The following KCNJ6 variants were observed in gnomAD, a reference collection of about 807,000 sequenced individuals.
The protein encoded by KCNJ6 is potassium inwardly rectifying channel subfamily J member 6.
KCNJ6 carries 9 observed loss-of-function variants against 34.2 expected under a neutral mutation model. The ratio of observed to expected loss-of-function variants is 0.26; its 90% confidence interval spans 0.16 to 0.46. The LOEUF (loss-of-function observed/expected upper bound fraction) is 0.46, where lower values mean the gene tolerates loss of function less well. Ranked by LOEUF, KCNJ6 falls within the 20% of genes least tolerant of loss-of-function variation. KCNJ6 has a pLI of 1.00. For missense variants in KCNJ6, 236 were observed against 531.3 expected (o/e 0.44, Z 5.46); for synonymous variants, 196 against 207.1 (o/e 0.95, Z 0.46).
chr21:37,804,022 C>CCAA (rs2055281886), intron 2 of KCNJ6, among the ~76,000 whole-genome samples: 1 of 151,998 alleles, frequency 6.6e-6, no homozygotes, highest in Admixed American at 6.5e-5. Flanking sequence ...TACTCTGCCC[C>CCAA]CAGTTAAAAA....
At position 37,614,578 on chromosome 21, in the gene KCNJ6, CTCTG is replaced by C. The variant is rs1207201275; in HGVS notation, c.*10577_*10580del. The C allele has an allele frequency of 1.0e-5, 1 of 98,708 alleles. No individual in the cohort carries two copies. Among genetic ancestry groups the C allele is most frequent in the Non-Finnish European group, 2.1e-5 (1 of 48,468 alleles). 6.1% of individuals were successfully genotyped at this position (98,708 alleles called of 1,614,324 possible). A position where few individuals can be genotyped will look rare whatever the true frequency, so the allele number is the denominator to read the frequency against. On this transcript the variant is annotated 3_prime_UTR_variant, in exon 4 of 4. Transcript: ENST00000609713. ...TGTATGCGTGTGTGTATGCATGTGT[CTCTG>C]TATGCATGTGTGTGTATGCATGTCT...
At chr21:37,773,675 C>T (rs1288603209) in intron 2 of KCNJ6, among the ~76,000 whole-genome samples, 1 of 152,162 alleles carries the variant, frequency 6.6e-6, no homozygotes, top group African/African-American at 2.4e-5. Context: ...CTATTTTTCT[C>T]TAACTGCCCC....
At chr21:37,707,313 G>A (rs558401655) in intron 3 of KCNJ6, among the ~76,000 whole-genome samples, 14 of 152,308 alleles carry the variant, frequency 9.2e-5, no homozygotes, top group African/African-American at 2.9e-4. Context: ...CCGACTGCCC[G>A]GCCTCCTGTC....
At chr21:37,875,174 C>T (rs55925825) in intron 1 of KCNJ6, among the ~76,000 whole-genome samples, 7,211 of 152,262 alleles carry the variant, frequency 0.047, 272 homozygotes, top group Non-Finnish European at 0.074. Flanking sequence ...CTCTCTGGAA[C>T]ACAGTTATCC....
intron 3 of KCNJ6, among the ~76,000 whole-genome samples, chr21:37,629,044 C>T (rs1307639509): frequency 2.0e-5 from 3 of 152,014 alleles, no homozygotes; most frequent in Admixed American, 6.6e-5. Context: ...TAAACGGAGT[C>T]CTTCAGACTA....
intron 3 of KCNJ6, among the ~76,000 whole-genome samples, chr21:37,696,401 T>G (rs959990015): frequency 9.2e-5 from 14 of 152,320 alleles, no homozygotes; most frequent in Non-Finnish European, 1.8e-4. Context: ...ACAGCACCAC[T>G]TTGTATTCTT....
rs1031734003 is a variant in KCNJ6, at chr21:37,619,541, C to T, written c.*5618G>A. 2 of 152,172 alleles carry T rather than the reference C, an allele frequency of 1.3e-5. No homozygotes were observed. Among genetic ancestry groups the T allele is most frequent in the African/African-American group, 2.4e-5 (1 of 41,442 alleles). 9.4% of individuals were successfully genotyped at this position (152,172 alleles called of 1,614,324 possible). A position where few individuals can be genotyped will look rare whatever the true frequency, so the allele number is the denominator to read the frequency against. ...AGTGGCTAGAGAGAGCAAAAACTAGCGCAATTAAACATGAGCTAGTTCCAG... is the reference window on the plus strand; with the variant it reads ...AGTGGCTAGAGAGAGCAAAAACTAGTGCAATTAAACATGAGCTAGTTCCAG... On this transcript the variant is annotated 3_prime_UTR_variant, in exon 4 of 4. Transcript: ENST00000609713.
At chr21:37,900,526 G>A (rs768580608) in intron 1 of KCNJ6, among the ~76,000 whole-genome samples, 5 of 152,322 alleles carry the variant, frequency 3.3e-5, no homozygotes, top group South Asian at 2.1e-4. Context: ...TTTGCGTGGC[G>A]TGTTAGAAGG....
intron 1 of KCNJ6, among the ~76,000 whole-genome samples, chr21:37,869,668 C>A (rs1273752843): frequency 6.6e-6 from 1 of 152,208 alleles, no homozygotes; most frequent in Non-Finnish European, 1.5e-5. Context: ...AGTAGCCTCC[C>A]TCACCCTTCA....
chr21:37,766,771 ACAG>A (rs1226835857), intron 2 of KCNJ6, among the ~76,000 whole-genome samples: 7 of 152,298 alleles, frequency 4.6e-5, no homozygotes, highest in African/African-American at 9.6e-5. Flanking sequence ...ACTGGGCCAC[ACAG>A]CAGGAGGTGA....
chr21:37,888,600 G>C (rs2055747060), intron 1 of KCNJ6, among the ~76,000 whole-genome samples: 1 of 152,240 alleles, frequency 6.6e-6, no homozygotes, highest in Non-Finnish European at 1.5e-5. Flanking sequence ...GAGGAAGGTG[G>C]ATAAAATTTG....
chr21:37,904,103 A>G (rs2055830114), intron 1 of KCNJ6, among the ~76,000 whole-genome samples: 1 of 152,244 alleles, frequency 6.6e-6, no homozygotes, highest in African/African-American at 2.4e-5. Context: ...TGCTGAAACC[A>G]CAATGTGATC....
intron 1 of KCNJ6, among the ~76,000 whole-genome samples, chr21:37,859,532 A>ATATATATATAAATAT (rs1568875152): frequency 1.7e-4 from 13 of 77,794 alleles, no homozygotes; most frequent in African/African-American, 9.8e-4. Context: ...TATATATATA[A>ATATATATATAAATAT]AATACTTAAA....
intron 3 of KCNJ6, among the ~76,000 whole-genome samples, chr21:37,640,493 T>C (rs1242631610): frequency 6.6e-6 from 1 of 152,244 alleles, no homozygotes; most frequent in East Asian, 1.9e-4. Context: ...TTCCTTTCCT[T>C]GGTCAAGTGT....
chr21:37,895,926 T>C (rs1392662495), intron 1 of KCNJ6, among the ~76,000 whole-genome samples: 2 of 152,218 alleles, frequency 1.3e-5, no homozygotes, highest in Admixed American at 6.5e-5. Context: ...TGCAGGCTCA[T>C]TGTATTACGC....
In KCNJ6 at chr21:37,836,045, A is replaced by G. The variant is rs1014679511; in HGVS notation, c.25+4613T>C. On this transcript the variant is annotated intron_variant, in intron 2 of 3. Coordinates refer to ENST00000609713, the MANE Select transcript of KCNJ6 (RefSeq NM_002240.5). ...AATAACTTAAACAAAATTTACACGA[A>G]AAAAACAAACAACCCCATCAAAAAG... 2.6e-5 allele frequency among the ~76,000 whole-genome samples: 4 copies of G among 152,242 alleles called. No individual in the cohort carries two copies. In the East Asian group the frequency reaches 7.7e-4, roughly 29 times the overall value.
chr21:37,770,533 C>T (rs756794592), intron 2 of KCNJ6, among the ~76,000 whole-genome samples: 13 of 152,008 alleles, frequency 8.6e-5, no homozygotes, highest in Non-Finnish European at 1.8e-4. Flanking sequence ...ACAGGAGATC[C>T]TTTAGGGCAT....
chr21:37,638,143 A>T (rs990001347), intron 3 of KCNJ6, among the ~76,000 whole-genome samples: 2 of 151,988 alleles, frequency 1.3e-5, no homozygotes, highest in Non-Finnish European at 2.9e-5. Flanking sequence ...GTTAATTTTG[A>T]TCTTGATTTA....
At chr21:37,786,517 C>T (rs1281663714) in intron 2 of KCNJ6, among the ~76,000 whole-genome samples, 6 of 152,320 alleles carry the variant, frequency 3.9e-5, no homozygotes, top group Middle Eastern at 3.4e-3. Context: ...TGGACACTGT[C>T]GTGTGCCCCA....
Sources: allele counts gnomAD v4.1 joint callset (sites outside exome capture counted in the v4.1 genomes callset), GRCh38; gene constraint gnomAD v4.1.1; transcripts MANE v1.5; gene names NCBI Gene and HGNC (gene_info 2026-07-23, HGNC 2026-07-21).